The following CYTIP variants were observed in gnomAD, a reference collection of about 807,000 sequenced individuals.
CYTIP encodes cytohesin-interacting protein.
Under a neutral mutation model 43.8 loss-of-function variants are expected in CYTIP, and 26 were observed. That is an observed-to-expected ratio of 0.59 (90% CI 0.44 to 0.82). CYTIP has a LOEUF of 0.82. Ranked by LOEUF, CYTIP falls within the 40% of genes least tolerant of loss-of-function variation. CYTIP has a pLI of 0.00. For missense variants in CYTIP, 426 were observed against 443.1 expected, an observed-to-expected ratio of 0.96 and a Z score of 0.35; for synonymous variants, 162 against 162.9, an observed-to-expected ratio of 0.99 and a Z score of 0.04.
chr2:157,421,550 A>G (rs1685521924), intron 6 of CYTIP, among the ~76,000 whole-genome samples: 1 of 152,244 alleles, frequency 6.6e-6, no homozygotes, highest in Non-Finnish European at 1.5e-5. Context: ...AAACCCAGTA[A>G]ATAGCAGAAG....
At chr2:157,427,461 G>T in intron 5 of CYTIP, 41 bp from the exon 6 acceptor site, 1 of 1,418,084 alleles carries the variant, frequency 7.1e-7, no homozygotes, top group South Asian at 1.2e-5. Flanking sequence ...GGTGGGGAGT[G>T]AGTAACATGA....
intron 6 of CYTIP, among the ~76,000 whole-genome samples, chr2:157,419,541 G>A (rs1218273632): frequency 1.3e-5 from 2 of 152,292 alleles, no homozygotes; most frequent in East Asian, 3.9e-4. Flanking sequence ...AAACAAACCA[G>A]GCAGAAGGCA....
At chr2:157,440,031 G>A (rs774695775) in intron 1 of CYTIP, among the ~76,000 whole-genome samples, 1 of 152,140 alleles carries the variant, frequency 6.6e-6, no homozygotes, top group Non-Finnish European at 1.5e-5. Context: ...GGGTTACAGA[G>A]GTTACTTCCT....
intron 1 of CYTIP, among the ~76,000 whole-genome samples, chr2:157,437,346 C>G (rs1369348760): frequency 4.6e-5 from 7 of 151,750 alleles, no homozygotes; most frequent in Admixed American, 4.6e-4. Context: ...AACTAAAATA[C>G]CTCAACAGAA....
chr2:157,418,706 A>G (rs1685477443), intron 6 of CYTIP, 117 bp from the exon 7 acceptor site: 3 of 848,198 alleles, frequency 3.5e-6, no homozygotes, highest in African/African-American at 3.5e-5. Flanking sequence ...TCTTTCTAGT[A>G]CTACCATTCC....
At chr2:157,440,937 A>AT (rs557623238) in intron 1 of CYTIP, among the ~76,000 whole-genome samples, 2,039 of 146,352 alleles carry the variant, frequency 0.014, 44 homozygotes, top group African/African-American at 0.044. Context: ...CATTGCAAAG[A>AT]TTTTTTTTTT....
rs1015718117 is a variant in CYTIP, at chr2:157,415,180, G to C, written c.*497C>G. On this transcript the variant is annotated 3_prime_UTR_variant, in exon 8 of 8. Coordinates refer to ENST00000264192, the MANE Select transcript of CYTIP (RefSeq NM_004288.5). ...TGAGAAACAGCTGATGGTCATCTTT[G>C]TTTACAAGCCATTACAGGTTTGAAC... The C allele has an allele frequency of 1.9e-5, 3 of 156,108 alleles. No individual in the cohort carries two copies. The East Asian group carries it at 5.7e-4, about 30-fold the overall frequency. The allele number at this position is 156,108 out of a possible 1,614,324, so 9.7% of individuals were successfully genotyped here.
intron 1 of CYTIP, among the ~76,000 whole-genome samples, chr2:157,437,966 G>A (rs559120959): frequency 9.2e-5 from 14 of 152,246 alleles, no homozygotes; most frequent in African/African-American, 1.2e-4. Flanking sequence ...ACAGTATGGA[G>A]GTCCCTCAAA....
chr2:157,438,908 C>A, intron 1 of CYTIP: 1 of 396,066 alleles, frequency 2.5e-6, no homozygotes, highest in Non-Finnish European at 5.4e-6. Context: ...GAAATCAGTG[C>A]ATCTATTAGG....
At chr2:157,431,365 A>G (rs72906473) in intron 3 of CYTIP, among the ~76,000 whole-genome samples, 3 of 152,348 alleles carry the variant, frequency 2.0e-5, no homozygotes, top group Non-Finnish European at 4.4e-5. Flanking sequence ...GGAGTATGAA[A>G]TTGTACACAT....
intron 5 of CYTIP, among the ~76,000 whole-genome samples, chr2:157,428,966 C>A (rs1475418311): frequency 6.6e-6 from 1 of 152,198 alleles, no homozygotes; most frequent in Admixed American, 6.5e-5. Flanking sequence ...AGCAGGTGGT[C>A]AAACCCCAGC....
At chr2:157,440,135 T>A (rs562410779) in intron 1 of CYTIP, among the ~76,000 whole-genome samples, 30 of 152,266 alleles carry the variant, frequency 2.0e-4, no homozygotes, top group African/African-American at 7.0e-4. Context: ...TTTGTCACTG[T>A]TACTTGTTTC....
intron 6 of CYTIP, among the ~76,000 whole-genome samples, chr2:157,425,408 T>C (rs1331781642): frequency 1.3e-5 from 2 of 152,154 alleles, no homozygotes; most frequent in Non-Finnish European, 2.9e-5. Flanking sequence ...CTACCAGCTA[T>C]AGAACAAAAA....
intron 6 of CYTIP, among the ~76,000 whole-genome samples, chr2:157,423,271 A>G (rs1321177242): frequency 6.6e-6 from 1 of 152,094 alleles, no homozygotes; most frequent in African/African-American, 2.4e-5. Context: ...AGATCCAAAA[A>G]TAGAAAATCC....
chr2:157,432,589 G>T (rs1306534676), intron 3 of CYTIP, among the ~76,000 whole-genome samples: 3 of 152,120 alleles, frequency 2.0e-5, no homozygotes, highest in South Asian at 4.1e-4. Flanking sequence ...ATGAATTCAG[G>T]TGTGCATGAG....
intron 7 of CYTIP, among the ~76,000 whole-genome samples, chr2:157,416,560 C>T (rs1052415977): frequency 3.3e-5 from 5 of 152,182 alleles, no homozygotes; most frequent in African/African-American, 9.6e-5. Context: ...GAAATACTAT[C>T]ATGATTTTCT....
At chr2:157,422,783 T>C (rs548728955) in intron 6 of CYTIP, among the ~76,000 whole-genome samples, 8 of 151,380 alleles carry the variant, frequency 5.3e-5, no homozygotes, top group Non-Finnish European at 8.8e-5. Context: ...AACAAGAAAT[T>C]TGAAATGACA....
At position 157,430,904 on chromosome 2, in the gene CYTIP, T is replaced by G. The variant is rs750798399; in HGVS notation, c.338A>C (p.Lys113Thr). The change falls in exon 4 of 8, where the codon AAA becomes ACA. Residue 113 changes from lysine (K) to threonine (T), a missense_variant. By Grantham distance (78) the Lys-to-Thr change is moderately conservative. Transcript: ENST00000264192. ...GTGAGCTGGGCTGTCCTCCTGTATT[T>G]TGCATATCAAAGTGAACATTTCCGA... ...CSSEMFTLIC[K>T]IQEDSPAHCA... The G allele has an allele frequency of 5.0e-6, 8 of 1,613,976 alleles. No homozygotes were observed. The highest frequency in any genetic ancestry group is 5.9e-6 in the Non-Finnish European group (7 of 1,179,990).
At chr2:157,436,899 A>G (rs540092910) in intron 1 of CYTIP, among the ~76,000 whole-genome samples, 1 of 151,994 alleles carries the variant, frequency 6.6e-6, no homozygotes, top group Non-Finnish European at 1.5e-5. Flanking sequence ...ATTCAATATC[A>G]TAGGAAAAAC....
Sources: gnomAD v4.1 joint callset for allele counts (sites outside exome capture counted in the v4.1 genomes callset) on GRCh38, gnomAD v4.1.1 for gene constraint, MANE v1.5 for transcripts, NCBI Gene and HGNC (gene_info 2026-07-23, HGNC 2026-07-21) for gene names.